The following TTLL11 variants were observed in gnomAD, a reference collection of about 807,000 sequenced individuals.
TTLL11 encodes tubulin tyrosine ligase like 11, also known as tubulin polyglutamylase TTLL11.
Under a neutral mutation model 51.7 loss-of-function variants are expected in TTLL11, and 42 were observed. That is an observed-to-expected ratio of 0.81 (90% CI 0.64 to 1.05). TTLL11 has a LOEUF of 1.05. Ranked by LOEUF, TTLL11 falls within the 50% of genes least tolerant of loss-of-function variation. The pLI is 0.00. For synonymous variants in TTLL11, 381 were observed against 383.5 expected (o/e 0.99, Z 0.08); for missense variants, 799 against 940.4 (o/e 0.85, Z 1.97).
chr9:121,940,933 A>T (rs1292257895), intron 6 of TTLL11, among the ~76,000 whole-genome samples: 2 of 152,248 alleles, frequency 1.3e-5, no homozygotes, highest in African/African-American at 4.8e-5. Flanking sequence ...GGTAGCAGGA[A>T]AGCTGGAGGC....
At position 121,898,214 on chromosome 9, in the gene TTLL11, C is replaced by G. The variant is rs139313621; in HGVS notation, c.1482-27466G>C. Among the ~76,000 whole-genome samples, 5 of 152,258 alleles carry G rather than the reference C, an allele frequency of 3.3e-5. No individual in the cohort carries two copies. The East Asian group carries it at 7.7e-4, about 24-fold the overall frequency. Reference sequence around the variant, plus strand: ...CAGGCATGAGCCACCATGTCCGGCTCCATTCTTCCATTCTTAAAACCTGCT... The same window carrying G: ...CAGGCATGAGCCACCATGTCCGGCTGCATTCTTCCATTCTTAAAACCTGCT... On this transcript the variant is annotated intron_variant, in intron 6 of 8. Transcript: ENST00000321582.
chr9:121,933,534 C>T (rs1841074988), intron 6 of TTLL11, among the ~76,000 whole-genome samples: 1 of 151,954 alleles, frequency 6.6e-6, no homozygotes, highest in Non-Finnish European at 1.5e-5. Flanking sequence ...AGGTTTTGGT[C>T]TTAAGAGTCC....
chr9:122,000,597 C>T (rs1284548465), intron 3 of TTLL11, among the ~76,000 whole-genome samples: 1 of 151,636 alleles, frequency 6.6e-6, no homozygotes, highest in Admixed American at 6.6e-5. Context: ...CACTGCTACA[C>T]TCCCACCAGC....
At chr9:121,964,384 G>A (rs929886993) in intron 6 of TTLL11, among the ~76,000 whole-genome samples, 3 of 151,914 alleles carry the variant, frequency 2.0e-5, no homozygotes, top group African/African-American at 7.3e-5. Flanking sequence ...TGCAACCTCT[G>A]ACTCCTGGGT....
chr9:121,999,519 C>T (rs562449359), intron 3 of TTLL11, among the ~76,000 whole-genome samples: 54 of 152,170 alleles, frequency 3.5e-4, no homozygotes, highest in Non-Finnish European at 5.6e-4. Context: ...GACATTTCTC[C>T]ATCTGAACAC....
At chr9:121,973,221 G>C (rs937998290) in intron 6 of TTLL11, among the ~76,000 whole-genome samples, 1 of 152,190 alleles carries the variant, frequency 6.6e-6, no homozygotes, top group African/African-American at 2.4e-5. Context: ...CCACTGAGTG[G>C]GTGGGGACGA....
At chr9:121,903,475 G>A (rs1210168482) in intron 6 of TTLL11, among the ~76,000 whole-genome samples, 1 of 152,128 alleles carries the variant, frequency 6.6e-6, no homozygotes, top group Non-Finnish European at 1.5e-5. Flanking sequence ...TCAAAACTGG[G>A]TTCACATCCC....
At chr9:121,879,769 C>T (rs1183033557) in intron 6 of TTLL11, among the ~76,000 whole-genome samples, 1 of 13,850 alleles carries the variant, frequency 7.2e-5, no homozygotes, top group Non-Finnish European at 1.4e-4. Flanking sequence ...GAATCTAGAC[C>T]AGGCTGGGCA....
chr9:121,924,073 G>A (rs970682228), intron 6 of TTLL11, among the ~76,000 whole-genome samples: 2 of 152,194 alleles, frequency 1.3e-5, no homozygotes, highest in Non-Finnish European at 2.9e-5. Context: ...CCCCAGCCAC[G>A]TGGAACTGTG....
At chr9:121,951,049 C>T (rs1303676348) in intron 6 of TTLL11, among the ~76,000 whole-genome samples, 9 of 152,208 alleles carry the variant, frequency 5.9e-5, no homozygotes, top group African/African-American at 1.4e-4. Flanking sequence ...CTGCCTCTGG[C>T]ACACAAAGCT....
intron 6 of TTLL11, among the ~76,000 whole-genome samples, chr9:121,880,100 G>A (rs1178476431): frequency 2.6e-5 from 4 of 152,218 alleles, no homozygotes; most frequent in Non-Finnish European, 4.4e-5. Flanking sequence ...CAGAAAGGGA[G>A]GAGAATGCCT....
At chr9:122,051,671 T>A (rs1399866264) in intron 1 of TTLL11, among the ~76,000 whole-genome samples, 1 of 152,190 alleles carries the variant, frequency 6.6e-6, no homozygotes, top group South Asian at 2.1e-4. Flanking sequence ...TCACTCGCTC[T>A]CACTTCCCAC....
At chr9:121,868,040 A>C (rs1838234147) in intron 7 of TTLL11, among the ~76,000 whole-genome samples, 1 of 152,138 alleles carries the variant, frequency 6.6e-6, no homozygotes, top group African/African-American at 2.4e-5. Flanking sequence ...AAGCCAAGCC[A>C]TTCCTTCATG....
intron 3 of TTLL11, among the ~76,000 whole-genome samples, chr9:121,994,998 T>A (rs978743474): frequency 3.3e-5 from 5 of 151,946 alleles, no homozygotes; most frequent in Non-Finnish European, 7.4e-5. Flanking sequence ...ACAGGGAATA[T>A]AAGGGAATGA....
At chr9:122,082,704 A>G (rs1277099293) in intron 1 of TTLL11, among the ~76,000 whole-genome samples, 1 of 152,142 alleles carries the variant, frequency 6.6e-6, no homozygotes, top group South Asian at 2.1e-4. Flanking sequence ...CAGTTGCCAA[A>G]CACTATCTAC....
At chr9:122,062,755 T>C (rs1363058323) in intron 1 of TTLL11, among the ~76,000 whole-genome samples, 1 of 151,626 alleles carries the variant, frequency 6.6e-6, no homozygotes, top group Non-Finnish European at 1.5e-5. Context: ...AGGCATGATA[T>C]ATTATGCATT....
chr9:121,886,400 T>C (rs547154807), intron 6 of TTLL11, among the ~76,000 whole-genome samples: 2 of 152,280 alleles, frequency 1.3e-5, no homozygotes, highest in East Asian at 3.9e-4. Flanking sequence ...GGACAGATGT[T>C]CTTATAGGAG....
intron 1 of TTLL11, among the ~76,000 whole-genome samples, chr9:122,086,273 C>G (rs939112908): frequency 2.0e-5 from 3 of 152,080 alleles, no homozygotes; most frequent in Non-Finnish European, 4.4e-5. Flanking sequence ...AGCTATTACC[C>G]GAATTGTATC....
At chr9:122,065,377 T>C (rs1425086575) in intron 1 of TTLL11, among the ~76,000 whole-genome samples, 1 of 152,224 alleles carries the variant, frequency 6.6e-6, no homozygotes, top group Non-Finnish European at 1.5e-5. Context: ...CTGCCCCTCC[T>C]TTCTTCCGGG....
Sources: allele counts gnomAD v4.1 joint callset (sites outside exome capture counted in the v4.1 genomes callset), GRCh38; gene constraint gnomAD v4.1.1; transcripts MANE v1.5; gene names NCBI Gene and HGNC (gene_info 2026-07-23, HGNC 2026-07-21).